The following TULP4 variants were observed in gnomAD, a reference collection of about 807,000 sequenced individuals.
TULP4 encodes the protein TUB like protein 4.
A neutral mutation model predicts 129.0 loss-of-function variants in TULP4; 16 were observed. The observed-to-expected ratio is 0.12, with a 90% confidence interval of 0.08 to 0.19. The LOEUF is 0.19. TULP4 is among the 10% of genes least tolerant of loss of function. The pLI is 1.00. For synonymous variants in TULP4, 998 were observed against 854.0 expected, an observed-to-expected ratio of 1.17 and a Z score of -2.94; for missense variants, 1,842 against 2,059.1, an observed-to-expected ratio of 0.89 and a Z score of 2.04.
At chr6:158,388,322 CTTTTTTTTTTTTTT>C (rs10650311) in intron 1 of TULP4, among the ~76,000 whole-genome samples, 2 of 86,260 alleles carry the variant, frequency 2.3e-5, no homozygotes, top group Non-Finnish European at 4.1e-5. Context: ...GCTCGTTTTT[CTTTTTTTTTTTTTT>C]TTTTTTTTTT....
intron 1 of TULP4, among the ~76,000 whole-genome samples, chr6:158,291,355 G>T (rs1440403405): frequency 6.6e-6 from 1 of 152,202 alleles, no homozygotes; most frequent in Non-Finnish European, 1.5e-5. Flanking sequence ...GTGCTTTGAA[G>T]ATACTATTTC....
chr6:158,442,321 A>G (rs542532540), intron 3 of TULP4, among the ~76,000 whole-genome samples: 1 of 152,274 alleles, frequency 6.6e-6, no homozygotes, highest in East Asian at 1.9e-4. Context: ...AAGAGTTGTA[A>G]AATTTTGAAA....
chr6:158,354,558 G>A (rs1430891472), intron 1 of TULP4, among the ~76,000 whole-genome samples: 1 of 152,204 alleles, frequency 6.6e-6, no homozygotes, highest in African/African-American at 2.4e-5. Flanking sequence ...GGAAAAAAAT[G>A]TATTGAGATG....
chr6:158,267,066 T>C (rs1778459894), intron 1 of TULP4, among the ~76,000 whole-genome samples: 1 of 152,264 alleles, frequency 6.6e-6, no homozygotes. Context: ...AAAATATTTG[T>C]CTTTTTATAT....
intron 1 of TULP4, among the ~76,000 whole-genome samples, chr6:158,385,528 C>T (rs57341956): frequency 0.03 from 4,542 of 152,020 alleles, 238 homozygotes; most frequent in African/African-American, 0.1. Context: ...TCAGATTCTT[C>T]GGTGAAGTGG....
chr6:158,245,248 C>T (rs1333253160), intron 1 of TULP4, among the ~76,000 whole-genome samples: 1 of 151,758 alleles, frequency 6.6e-6, no homozygotes, highest in Non-Finnish European at 1.5e-5. Flanking sequence ...TCCTGCCTTG[C>T]CCTCCCGAAG....
intron 1 of TULP4, among the ~76,000 whole-genome samples, chr6:158,306,040 T>A (rs1356535946): frequency 6.6e-6 from 1 of 152,196 alleles, no homozygotes; most frequent in Non-Finnish European, 1.5e-5. Context: ...ATGCTTTGAT[T>A]GTTCTTTTTT....
At chr6:158,342,490 C>T (rs184576107) in intron 1 of TULP4, among the ~76,000 whole-genome samples, 5 of 152,316 alleles carry the variant, frequency 3.3e-5, no homozygotes, top group South Asian at 2.1e-4. Flanking sequence ...AATAGTTCCA[C>T]GTGCCTGATC....
intron 1 of TULP4, among the ~76,000 whole-genome samples, chr6:158,271,997 T>C (rs1363495743): frequency 1.3e-5 from 2 of 152,182 alleles, no homozygotes; most frequent in Non-Finnish European, 2.9e-5. Flanking sequence ...TTTAGAACGT[T>C]TAATTTCTAA....
In TULP4 at chr6:158,337,407, A is replaced by G. The variant is rs140628604; in HGVS notation, c.252+23139A>G. ...TGGCCTCTCAAAGTGCTGGGATTAC[A>G]GGCATGAGCCACCACTCCCGTTCAG... On this transcript the variant is annotated intron_variant, in intron 1 of 13. Coordinates refer to ENST00000367097, the MANE Select transcript of TULP4 (RefSeq NM_020245.5). 3.9e-5 allele frequency among the ~76,000 whole-genome samples: 6 copies of G among 152,208 alleles called. No homozygotes were observed. The East Asian group carries it at 1.2e-3, about 29-fold the overall frequency.
chr6:158,361,084 G>A (rs1780777143), intron 1 of TULP4, among the ~76,000 whole-genome samples: 1 of 152,114 alleles, frequency 6.6e-6, no homozygotes, highest in Admixed American at 6.5e-5. Context: ...TTGCTCTAAA[G>A]ATTGTAACAT....
chr6:158,346,064 G>A (rs550354887), intron 1 of TULP4, among the ~76,000 whole-genome samples: 144 of 152,162 alleles, frequency 9.5e-4, no homozygotes, highest in South Asian at 5.6e-3. Flanking sequence ...CCTTTTGCCC[G>A]ACCCCACAGG....
At chr6:158,422,077 T>G (rs1242093101) in intron 2 of TULP4, among the ~76,000 whole-genome samples, 3 of 151,986 alleles carry the variant, frequency 2.0e-5, no homozygotes, top group Non-Finnish European at 4.4e-5. Flanking sequence ...TATTATTAAT[T>G]GAAAAGGAGA....
At chr6:158,428,863 G>T (rs13195065) in intron 2 of TULP4, among the ~76,000 whole-genome samples, 3 of 152,220 alleles carry the variant, frequency 2.0e-5, no homozygotes, top group Non-Finnish European at 4.4e-5. Flanking sequence ...CTTCTCTGTA[G>T]ATGAGAACAG....
At chr6:158,460,313 C>T (rs1395286742) in intron 5 of TULP4, among the ~76,000 whole-genome samples, 1 of 152,200 alleles carries the variant, frequency 6.6e-6, no homozygotes, top group African/African-American at 2.4e-5. Flanking sequence ...TGAATTCTAG[C>T]CCCATCTCTG....
intron 1 of TULP4, among the ~76,000 whole-genome samples, chr6:158,270,943 A>T (rs1355971789): frequency 1.3e-5 from 2 of 152,176 alleles, no homozygotes; most frequent in Non-Finnish European, 2.9e-5. Flanking sequence ...TGAGGTCAGG[A>T]GGTCAAGACC....
intron 1 of TULP4, among the ~76,000 whole-genome samples, chr6:158,233,351 T>C (rs1409989091): frequency 6.6e-6 from 1 of 152,244 alleles, no homozygotes; most frequent in East Asian, 1.9e-4. Flanking sequence ...CTTTAAGTCA[T>C]TGCAATAGGC....
At chr6:158,357,362 T>C (rs1583790604) in intron 1 of TULP4, among the ~76,000 whole-genome samples, 1 of 151,900 alleles carries the variant, frequency 6.6e-6, no homozygotes, top group Admixed American at 6.6e-5. Flanking sequence ...GCAGGCAGAG[T>C]CATTTGTTTG....
chr6:158,454,102 A>C (rs1779237884), intron 5 of TULP4, among the ~76,000 whole-genome samples: 1 of 146,676 alleles, frequency 6.8e-6, no homozygotes, highest in African/African-American at 2.6e-5. Context: ...TGGGCATCCC[A>C]ATCTACTGTC....
Sources: allele counts gnomAD v4.1 joint callset (sites outside exome capture counted in the v4.1 genomes callset), GRCh38; gene constraint gnomAD v4.1.1; transcripts MANE v1.5; gene names NCBI Gene and HGNC (gene_info 2026-07-23, HGNC 2026-07-21).